TRIM71: variants seen among roughly 807,000 people sequenced by gnomAD.
TRIM71 encodes tripartite motif containing 71.
In TRIM71, 9 loss-of-function variants were observed where a neutral mutation model predicts 61.2. That is an observed-to-expected ratio of 0.15 (90% CI 0.09 to 0.26). TRIM71 has a LOEUF of 0.26. Among genes scored for constraint, TRIM71 ranks in the 10% least tolerant of loss-of-function variants. The pLI is 1.00. For synonymous variants in TRIM71, 645 were observed against 553.2 expected (o/e 1.17, Z -2.33); for missense variants, 998 against 1,238.7 (o/e 0.81, Z 2.92).
intron 1 of TRIM71, among the ~76,000 whole-genome samples, chr3:32,823,976 G>A (rs1696170656): frequency 6.6e-6 from 1 of 152,176 alleles, no homozygotes; most frequent in Non-Finnish European, 1.5e-5. Context: ...CCAGGAGGCT[G>A]AGGCAGGAGC....
In TRIM71 at chr3:32,863,195, C is replaced by CTTTTT. The variant is rs11348995; in HGVS notation, c.853-10601_853-10597dup. 1.3e-4 allele frequency among the ~76,000 whole-genome samples: 7 copies of CTTTTT among 53,750 alleles called. 2 individuals carry two copies. Among genetic ancestry groups the CTTTTT allele is most frequent in the South Asian group, 2.4e-3 (2 of 824 alleles). 35.3% of individuals were successfully genotyped at this position (53,750 alleles called of 152,430 possible). On this transcript the variant is annotated intron_variant, in intron 1 of 3. Transcript: ENST00000383763. ...TGGGAGGGAGGAGTATTAATTGAAC[C>CTTTTT]TTTTTTTTTTTTTTTTTTTTTTTTT...
intron 1 of TRIM71, among the ~76,000 whole-genome samples, chr3:32,824,951 T>A (rs1696184505): frequency 6.6e-6 from 1 of 152,068 alleles, no homozygotes; most frequent in African/African-American, 2.4e-5. Context: ...TGTGCCACCA[T>A]GCCTGGCTAA....
At chr3:32,852,643 AAAAG>A (rs1364993696) in intron 1 of TRIM71, among the ~76,000 whole-genome samples, 2 of 152,190 alleles carry the variant, frequency 1.3e-5, no homozygotes, top group East Asian at 1.9e-4. Context: ...AGTAATGAAA[AAAAG>A]AAAGCAGCTG....
intron 2 of TRIM71, among the ~76,000 whole-genome samples, chr3:32,874,511 C>T (rs1475089282): frequency 6.6e-6 from 1 of 151,900 alleles, no homozygotes; most frequent in African/African-American, 2.4e-5. Context: ...TACAGGCGTG[C>T]ACCACTGCAC....
intron 1 of TRIM71, among the ~76,000 whole-genome samples, chr3:32,853,020 TTTC>T (rs369632284): frequency 6.6e-6 from 1 of 152,162 alleles, no homozygotes; most frequent in Non-Finnish European, 1.5e-5. Flanking sequence ...TGTATCCATT[TTTC>T]TTCTTTTTCA....
intron 1 of TRIM71, among the ~76,000 whole-genome samples, chr3:32,837,255 A>G (rs1696345291): frequency 6.6e-6 from 1 of 152,172 alleles, no homozygotes; most frequent in African/African-American, 2.4e-5. Flanking sequence ...TTTGAAATAT[A>G]TATTGCATTT....
chr3:32,852,269 G>A (rs1327879979), intron 1 of TRIM71, among the ~76,000 whole-genome samples: 1 of 152,144 alleles, frequency 6.6e-6, no homozygotes, highest in Non-Finnish European at 1.5e-5. Flanking sequence ...ATTGAGGGCT[G>A]TGTTCCTTTC....
intron 1 of TRIM71, among the ~76,000 whole-genome samples, chr3:32,835,511 G>T (rs1291336289): frequency 6.6e-6 from 1 of 152,148 alleles, no homozygotes; most frequent in Non-Finnish European, 1.5e-5. Context: ...TGTTTTAAAT[G>T]TGTTTAAAAG....
At position 32,892,098 on chromosome 3, in the gene TRIM71, G is replaced by T. The variant is rs1408723551; in HGVS notation, c.*287G>T. 6 of 336,034 alleles carry T rather than the reference G, an allele frequency of 1.8e-5. No homozygotes were observed. Among genetic ancestry groups the T allele is most frequent in the Non-Finnish European group, 3.2e-5 (6 of 186,040 alleles). The allele number at this position is 336,034 out of a possible 1,614,324, so 20.8% of individuals were successfully genotyped here. On this transcript the variant is annotated 3_prime_UTR_variant, in exon 4 of 4. Coordinates refer to ENST00000383763, the MANE Select transcript of TRIM71 (RefSeq NM_001039111.3). ...AATCTTTACATTTCCTTCTGCAACA[G>T]GCCCTCTTCCCCTCCTCAGTGGAGT...
chr3:32,826,579 G>GTTTTTTTTTTTTT (rs1696204240), intron 1 of TRIM71, among the ~76,000 whole-genome samples: 1 of 48,846 alleles, frequency 2.0e-5, no homozygotes, highest in African/African-American at 9.0e-5. Context: ...CATCAGGTGA[G>GTTTTTTTTTTTTT]TTCTTTTTTT....
intron 1 of TRIM71, among the ~76,000 whole-genome samples, chr3:32,834,227 G>A (rs1015330382): frequency 3.3e-5 from 5 of 152,142 alleles, no homozygotes; most frequent in East Asian, 1.9e-4. Flanking sequence ...TGTTTGTTAC[G>A]GTTATAAATG....
chr3:32,843,781 C>T (rs1696438357), intron 1 of TRIM71, among the ~76,000 whole-genome samples: 2 of 152,202 alleles, frequency 1.3e-5, no homozygotes, highest in Non-Finnish European at 1.5e-5. Flanking sequence ...GGGAACCTCC[C>T]TGAGCTCCTT....
rs534637883 is a variant in TRIM71 at position 32,872,908 on chromosome 3, G to A, written c.853-910G>A. Among the ~76,000 whole-genome samples, 89 of 152,322 alleles carry A rather than the reference G, an allele frequency of 5.8e-4. 1 individual carries two copies. The highest frequency in any genetic ancestry group is 3.4e-3 in the Middle Eastern group (1 of 292). On this transcript the variant is annotated intron_variant, in intron 1 of 3. Coordinates refer to ENST00000383763, the MANE Select transcript of TRIM71 (RefSeq NM_001039111.3). ...GCAAATTTAAGCTCTGCTCTTGAAA[G>A]CAATCCAGCAAACATTTACAGAGTG...
In TRIM71 at chr3:32,840,030, C is replaced by G. The variant is rs191450058; in HGVS notation, c.852+21098C>G. Among the ~76,000 whole-genome samples, 173 of 152,314 alleles carry G rather than the reference C, an allele frequency of 1.1e-3. 1 individual carries two copies. Among genetic ancestry groups the G allele is most frequent in the African/African-American group, 4.0e-3 (168 of 41,550 alleles). The stretch of plus-strand genomic sequence containing the variant: ...AGTTTAAAAACTTGCCACCTCTGCC[C>G]TTCAGAGCAAGAGAGAACCTTGCTG... On this transcript the variant is annotated intron_variant, in intron 1 of 3. Coordinates refer to ENST00000383763, the MANE Select transcript of TRIM71 (RefSeq NM_001039111.3).
chr3:32,873,684 C>T (rs1356531715), intron 1 of TRIM71, 134 bp from the exon 2 acceptor site: 13 of 762,604 alleles, frequency 1.7e-5, no homozygotes, highest in Non-Finnish European at 2.6e-5. Flanking sequence ...ACTGCTGCCT[C>T]TCCCTTTGGG....
intron 1 of TRIM71, among the ~76,000 whole-genome samples, chr3:32,821,923 GCTCT>G (rs1696139369): frequency 6.6e-6 from 1 of 152,078 alleles, no homozygotes; most frequent in Admixed American, 6.5e-5. Context: ...ATTCACGGCC[GCTCT>G]GGTCATGGAG....
intron 1 of TRIM71, among the ~76,000 whole-genome samples, chr3:32,826,084 T>C (rs1416925483): frequency 3.3e-5 from 5 of 152,208 alleles, no homozygotes; most frequent in Non-Finnish European, 7.3e-5. Flanking sequence ...CTTGCCTTCC[T>C]CATGCTGTAG....
rs533550471 is a variant in TRIM71, at chr3:32,896,698, A to C, written c.*4887A>C. ...GGTGGGATATTTTCCATCATCATTT[A>C]ACCAATAATGGTTCTAAAAGTTTTG... On this transcript the variant is annotated 3_prime_UTR_variant, in exon 4 of 4. Coordinates refer to ENST00000383763, the MANE Select transcript of TRIM71 (RefSeq NM_001039111.3). The C allele has an allele frequency of 6.6e-6, 1 of 152,354 alleles. No individual in the cohort carries two copies. Among genetic ancestry groups the C allele is most frequent in the African/African-American group, 2.4e-5 (1 of 41,594 alleles). 9.4% of individuals were successfully genotyped at this position (152,354 alleles called of 1,614,324 possible).
At chr3:32,865,202 G>A (rs1046083515) in intron 1 of TRIM71, among the ~76,000 whole-genome samples, 5 of 152,036 alleles carry the variant, frequency 3.3e-5, no homozygotes, top group South Asian at 2.1e-4. Context: ...GGTGGCACGC[G>A]CCTGTAGTCC....
Sources: allele counts gnomAD v4.1 joint callset (sites outside exome capture counted in the v4.1 genomes callset), GRCh38; gene constraint gnomAD v4.1.1; transcripts MANE v1.5; gene names NCBI Gene and HGNC (gene_info 2026-07-23, HGNC 2026-07-21).